Variants in UGT1A6 observed in about 807,000 individuals in gnomAD.
The protein encoded by UGT1A6 is UDP glucuronosyltransferase family 1 member A6.
UGT1A6 carries 32 observed loss-of-function variants against 44.4 expected under a neutral mutation model. That is an observed-to-expected ratio of 0.72 (90% CI 0.54 to 0.97). UGT1A6 has a LOEUF of 0.97. UGT1A6 is among the 50% of genes least tolerant of loss of function. The pLI is 0.00. For missense variants in UGT1A6, 685 were observed against 661.9 expected (o/e 1.03, Z -0.38); for synonymous variants, 238 against 248.5 (o/e 0.96, Z 0.40).
intron 1 of UGT1A6, among the ~76,000 whole-genome samples, chr2:233,726,597 T>C (rs1191602652): frequency 6.6e-6 from 1 of 152,194 alleles, no homozygotes; most frequent in Non-Finnish European, 1.5e-5. Flanking sequence ...AGAGCCCTTG[T>C]GATTACACTG....
At chr2:233,721,017 C>T (rs1165667415) in intron 1 of UGT1A6, among the ~76,000 whole-genome samples, 3 of 151,958 alleles carry the variant, frequency 2.0e-5, no homozygotes, top group Admixed American at 6.6e-5. Flanking sequence ...AGTGAGGGAG[C>T]CATCTTTCTT....
At chr2:233,761,879 T>C (rs1697890681) in intron 1 of UGT1A6, among the ~76,000 whole-genome samples, 1 of 152,212 alleles carries the variant, frequency 6.6e-6, no homozygotes, top group Admixed American at 6.5e-5. Flanking sequence ...AGAGCGTTCA[T>C]TCACTTATCC....
At chr2:233,718,832 A>G (rs1187476814) in intron 1 of UGT1A6, 1 of 1,613,166 alleles carries the variant, frequency 6.2e-7, no homozygotes, top group African/African-American at 1.3e-5. Context: ...TGGCCAGAGG[A>G]CTCCAGGTTC....
At chr2:233,733,101 G>T (rs1559378148) in intron 1 of UGT1A6, among the ~76,000 whole-genome samples, 1 of 151,784 alleles carries the variant, frequency 6.6e-6, no homozygotes, top group Non-Finnish European at 1.5e-5. Flanking sequence ...TCATGGTTTG[G>T]CTCTGTTTGT....
chr2:233,766,749 C>T (rs756688417), intron 1 of UGT1A6, among the ~76,000 whole-genome samples: 1 of 152,132 alleles, frequency 6.6e-6, no homozygotes, highest in Non-Finnish European at 1.5e-5. Context: ...CAGGTGTGTG[C>T]ATGTGTGTGC....
At chr2:233,727,049 G>A (rs1171509932) in intron 1 of UGT1A6, among the ~76,000 whole-genome samples, 1 of 152,178 alleles carries the variant, frequency 6.6e-6, no homozygotes, top group Non-Finnish European at 1.5e-5. Flanking sequence ...ACCCCAAGAT[G>A]TGAAGATTAG....
At chr2:233,718,968 G>A (rs1423240253) in intron 1 of UGT1A6, 1 of 1,614,222 alleles carries the variant, frequency 6.2e-7, no homozygotes, top group Non-Finnish European at 8.5e-7. Flanking sequence ...GGCCTTGCGG[G>A]AGCTCCATGC....
Position 233,757,558 on chromosome 2 carries a change from A to ATATATATATG in UGT1A6, c.862-9473_862-9472insATATATGTAT, listed in dbSNP as rs1553619909. ...GGAATATATATATATATATATATAT[A>ATATATATATG]TATGTATATATGATATAGCTATAGT... On this transcript the variant is annotated intron_variant, in intron 1 of 4. Transcript: ENST00000305139. 2.4e-5 allele frequency among the ~76,000 whole-genome samples: 3 copies of ATATATATATG among 124,458 alleles called. No homozygotes were observed. In the East Asian group the frequency reaches 6.3e-4, roughly 26 times the overall value. 81.6% of individuals were successfully genotyped at this position (124,458 alleles called of 152,430 possible). A position where few individuals can be genotyped will look rare whatever the true frequency, so the allele number is the denominator to read the frequency against.
upstream of UGT1A6, chr2:233,692,729 T>C (rs1309598477): frequency 3.2e-6 from 3 of 927,358 alleles, no homozygotes; most frequent in Non-Finnish European, 4.3e-6. Flanking sequence ...GCTATAACTT[T>C]TCAGAGAGGG....
At chr2:233,729,376 T>C in intron 1 of UGT1A6, 1 of 1,614,080 alleles carries the variant, frequency 6.2e-7, no homozygotes, top group Non-Finnish European at 8.5e-7. Flanking sequence ...TGCCATTTCG[T>C]GGACCCAGGA....
chr2:233,725,696 T>A (rs1461246019), intron 1 of UGT1A6, among the ~76,000 whole-genome samples: 1 of 152,258 alleles, frequency 6.6e-6, no homozygotes, highest in African/African-American at 2.4e-5. Context: ...AATAGTCATA[T>A]GTAGTTAGTG....
chr2:233,729,561 C>A (rs760200392), intron 1 of UGT1A6: 3 of 1,614,102 alleles, frequency 1.9e-6, no homozygotes, highest in Non-Finnish European at 2.5e-6. Flanking sequence ...ATGCTACTTC[C>A]TTTGATGTGG....
Position 233,693,372 on chromosome 2 carries a change from T to G in UGT1A6, c.368T>G (p.Phe123Cys), listed in dbSNP as rs1266253057. Residue 123 changes from phenylalanine (F) to cysteine (C), a missense_variant, in exon 1 of 5, where the codon TTC becomes TGC. Coordinates refer to ENST00000305139, the MANE Select transcript of UGT1A6 (RefSeq NM_001072.4). ...AACATGATTGTTATTGGCCTGTACTTCATCAACTGCCAGAGCCTCCTGCAG... is the reference window on the plus strand; with the variant it reads ...AACATGATTGTTATTGGCCTGTACTGCATCAACTGCCAGAGCCTCCTGCAG... ...RNNMIVIGLY[F>C]INCQSLLQDR... 1.9e-6 allele frequency: 3 copies of G among 1,614,178 alleles called. No homozygotes were observed. The highest frequency in any genetic ancestry group is 1.7e-6 in the Non-Finnish European group (2 of 1,180,032).
intron 1 of UGT1A6, among the ~76,000 whole-genome samples, chr2:233,723,158 A>G (rs1188263696): frequency 7.4e-6 from 1 of 135,668 alleles, no homozygotes; most frequent in Non-Finnish European, 1.5e-5. Flanking sequence ...CATTTGCTTT[A>G]GTTTCAGTGC....
chr2:233,728,202 T>G (rs2077690162), intron 1 of UGT1A6, among the ~76,000 whole-genome samples: 1 of 152,206 alleles, frequency 6.6e-6, no homozygotes, highest in Non-Finnish European at 1.5e-5. Context: ...CTGGATTGAC[T>G]TGGAGAAGAG....
In UGT1A6 at chr2:233,769,703, A is replaced by G. The variant is rs1416273085; in HGVS notation, c.1301+1264A>G. 46 of 1,521,058 alleles carry G rather than the reference A, an allele frequency of 3.0e-5. No individual in the cohort carries two copies. Among genetic ancestry groups the G allele is most frequent in the Non-Finnish European group, 3.6e-5 (41 of 1,133,112 alleles). 94.2% of individuals were successfully genotyped at this position (1,521,058 alleles called of 1,614,324 possible). A position where few individuals can be genotyped will look rare whatever the true frequency, so the allele number is the denominator to read the frequency against. ...TGTGGTGGCACTGGATAAAAGATCA[A>G]TGTTGGCTAGGCACCATGGCACACG... On this transcript the variant is annotated intron_variant, in intron 4 of 4. Coordinates refer to ENST00000305139, the MANE Select transcript of UGT1A6 (RefSeq NM_001072.4). The surrounding 1 kb of genome is among the most constrained non-coding windows in gnomAD (Gnocchi z 4.4).
At chr2:233,728,943 T>A (rs1281650541) in intron 1 of UGT1A6, among the ~76,000 whole-genome samples, 3 of 148,150 alleles carry the variant, frequency 2.0e-5, no homozygotes, top group Admixed American at 2.0e-4. Flanking sequence ...TTTTCCAGGG[T>A]GGGGCCCACA....
At chr2:233,698,551 A>C (rs2075447544) in intron 1 of UGT1A6, among the ~76,000 whole-genome samples, 2 of 152,272 alleles carry the variant, frequency 1.3e-5, no homozygotes, top group Admixed American at 6.5e-5. Flanking sequence ...AGTGGCCAAC[A>C]AAACTTTAAG....
intron 1 of UGT1A6, among the ~76,000 whole-genome samples, chr2:233,766,777 T>C (rs945359450): frequency 1.3e-5 from 2 of 152,236 alleles, no homozygotes; most frequent in Admixed American, 6.5e-5. Context: ...TGTGCTTTTC[T>C]TTTGGAAAAC....
Sources: gnomAD v4.1 joint callset for allele counts (sites outside exome capture counted in the v4.1 genomes callset) on GRCh38, gnomAD v4.1.1 for gene constraint, Gnocchi (gnomAD v3.1) non-coding constraint, MANE v1.5 for transcripts, NCBI Gene and HGNC (gene_info 2026-07-23, HGNC 2026-07-21) for gene names.